Variants in SEMA3D observed in about 807,000 individuals in gnomAD.
SEMA3D encodes the protein semaphorin-3D.
A neutral mutation model predicts 100.1 loss-of-function variants in SEMA3D; 84 were observed. The ratio of observed to expected loss-of-function variants is 0.84; its 90% CI spans 0.70 to 1.01. SEMA3D has a LOEUF of 1.01. Ranked by LOEUF, SEMA3D falls within the 50% of genes least tolerant of loss-of-function variation. The pLI is 0.00. For synonymous variants in SEMA3D, 312 were observed against 320.7 expected, an observed-to-expected ratio of 0.97 and a Z score of 0.29; for missense variants, 875 against 934.1, an observed-to-expected ratio of 0.94 and a Z score of 0.82.
At chr7:85,197,320 T>A in the SEMA3D span, among the ~76,000 whole-genome samples, 81 of 152,212 alleles carry the variant, frequency 5.3e-4, no homozygotes, top group Non-Finnish European at 9.8e-4. Context: ...GCAGCCACTA[T>A]AAGACTTCAA....
the SEMA3D span, among the ~76,000 whole-genome samples, chr7:85,232,769 C>T: frequency 6.6e-6 from 1 of 152,112 alleles, no homozygotes; most frequent in South Asian, 2.1e-4. Flanking sequence ...AAATGTGAAA[C>T]TTTTCTAAAA....
At chr7:85,157,711 G>A (rs1249381417) in intron 1 of SEMA3D, 6 of 872,306 alleles carry the variant, frequency 6.9e-6, no homozygotes, top group Non-Finnish European at 8.3e-6. Flanking sequence ...CTGCTGGGCA[G>A]AGGTGTAGCT....
At chr7:85,064,932 A>G (rs1431065674) in intron 8 of SEMA3D, among the ~76,000 whole-genome samples, 1 of 152,174 alleles carries the variant, frequency 6.6e-6, no homozygotes, top group East Asian at 1.9e-4. Context: ...CCAAGTGTAT[A>G]TTATTTTTAA....
At chr7:85,169,556 CAT>C (rs150287486) in intron 1 of SEMA3D, among the ~76,000 whole-genome samples, 37 of 151,884 alleles carry the variant, frequency 2.4e-4, no homozygotes, top group African/African-American at 5.8e-4. Flanking sequence ...CCATCTAACA[CAT>C]GTTTTAAATT....
chr7:85,172,140 G>A (rs1791102760), intron 1 of SEMA3D, among the ~76,000 whole-genome samples: 1 of 151,956 alleles, frequency 6.6e-6, no homozygotes, highest in African/African-American at 2.4e-5. Context: ...GTATTCCCAA[G>A]ATGAACATTG....
In SEMA3D at chr7:85,055,773, G is replaced by C; in HGVS notation, c.805C>G (p.Gln269Glu). Residue 269 changes from glutamine (Q) to glutamate (E), a missense_variant, in exon 9 of 19, where the codon CAA becomes GAA. Physicochemically the swap from Gln to Glu is conservative, Grantham distance 29. Transcript: ENST00000284136. ...GTTTTATCGGAGGTACTGCCTTCTT[G>C]AGATGATTCACGAAAGAAGAAATAT... ...KIYFFFRESS[Q>E]EGSTSDKTIL... 6.4e-7 allele frequency: 1 copy of C among 1,572,874 alleles called. No homozygotes were observed. Among genetic ancestry groups the C allele is most frequent in the Non-Finnish European group, 8.7e-7 (1 of 1,147,656 alleles).
chr7:85,152,926 T>C (rs891024575), intron 2 of SEMA3D, among the ~76,000 whole-genome samples: 11 of 152,126 alleles, frequency 7.2e-5, no homozygotes, highest in Admixed American at 3.3e-4. Flanking sequence ...CTGTGACATG[T>C]TCAAATCAAG....
intron 2 of SEMA3D, among the ~76,000 whole-genome samples, chr7:85,152,777 G>C (rs1790465656): frequency 6.6e-6 from 1 of 152,082 alleles, no homozygotes; most frequent in South Asian, 2.1e-4. Flanking sequence ...TGCTTACATG[G>C]TGTATTTTGT....
Position 85,162,222 on chromosome 7 carries a change from A to T in SEMA3D, c.-172-8483T>A, listed in dbSNP as rs191259880. ...GAAAGAAGGGCTAACAACAGCAAAG[A>T]CCTGCATCCTCCAACTGCCCAACAA... On this transcript the variant is annotated intron_variant, in intron 1 of 18. Coordinates refer to ENST00000284136, the MANE Select transcript of SEMA3D (RefSeq NM_001384900.1). Among the ~76,000 whole-genome samples the T allele has an allele frequency of 1.8e-3, 281 of 152,264 alleles. 1 individual carries two copies. The highest frequency in any genetic ancestry group is 6.6e-3 in the African/African-American group (276 of 41,556).
At chr7:85,185,426 CTT>C (rs1285526135) in intron 1 of SEMA3D, among the ~76,000 whole-genome samples, 1 of 152,170 alleles carries the variant, frequency 6.6e-6, no homozygotes, top group Non-Finnish European at 1.5e-5. Context: ...CTTCTCCCCT[CTT>C]CTTTTGCTTG....
chr7:85,094,861 C>G (rs959747641), intron 4 of SEMA3D, among the ~76,000 whole-genome samples: 2 of 151,922 alleles, frequency 1.3e-5, no homozygotes, highest in African/African-American at 4.8e-5. Context: ...TGTGAGGTGT[C>G]ACATCCTTGC....
chr7:85,126,134 A>G (rs1295474567), intron 2 of SEMA3D, among the ~76,000 whole-genome samples: 3 of 152,096 alleles, frequency 2.0e-5, no homozygotes, highest in African/African-American at 7.2e-5. Flanking sequence ...TAAGGAACAC[A>G]AAGAGTCCAG....
At chr7:85,058,176 T>C (rs1343476493) in intron 8 of SEMA3D, among the ~76,000 whole-genome samples, 1 of 152,180 alleles carries the variant, frequency 6.6e-6, no homozygotes, top group Non-Finnish European at 1.5e-5. Context: ...TCAATGGACT[T>C]TTATATTCTT....
At chr7:85,224,327 G>T in the SEMA3D span, among the ~76,000 whole-genome samples, 1 of 152,190 alleles carries the variant, frequency 6.6e-6, no homozygotes, top group Non-Finnish European at 1.5e-5. Context: ...AAATCTTGAA[G>T]TCCTGAGGCC....
At chr7:85,066,769 AGAAGGGATTAAGATACTTTCT>A (rs1320858678) in intron 7 of SEMA3D, among the ~76,000 whole-genome samples, 1 of 152,086 alleles carries the variant, frequency 6.6e-6, no homozygotes, top group Non-Finnish European at 1.5e-5. Flanking sequence ...GCCTTGTATA[AGAAGGGATTAAGATACTTTCT>A]GTAGTCCCTG....
chr7:85,124,510 A>AGTATACCATATTGGTACT (rs1191136099), intron 2 of SEMA3D, among the ~76,000 whole-genome samples: 15 of 102,656 alleles, frequency 1.5e-4, no homozygotes, highest in African/African-American at 4.3e-4. Context: ...GGAATGGTTG[A>AGTATACCATATTGGTACT]TTATACACAA....
At chr7:85,107,638 T>C (rs190798057) in intron 3 of SEMA3D, among the ~76,000 whole-genome samples, 1 of 152,056 alleles carries the variant, frequency 6.6e-6, no homozygotes, top group East Asian at 1.9e-4. Context: ...ATCTCATTGA[T>C]TTTAATGACT....
chr7:85,010,755 G>A (rs1357300591), intron 17 of SEMA3D, among the ~76,000 whole-genome samples: 2 of 151,786 alleles, frequency 1.3e-5, no homozygotes, highest in African/African-American at 4.8e-5. Flanking sequence ...AGGCTTTCAA[G>A]TGGAGCTCTT....
At chr7:85,022,674 A>G in intron 12 of SEMA3D, 61 bp from the exon 13 acceptor site, 3 of 1,057,568 alleles carry the variant, frequency 2.8e-6, no homozygotes, top group Non-Finnish European at 4.4e-6. Flanking sequence ...GTTCACACTT[A>G]TTTCCAATAA....
Sources: gnomAD v4.1 joint callset for allele counts (sites outside exome capture counted in the v4.1 genomes callset) on GRCh38, gnomAD v4.1.1 for gene constraint, MANE v1.5 for transcripts, NCBI Gene and HGNC (gene_info 2026-07-23, HGNC 2026-07-21) for gene names.